TMEM135: variants seen among roughly 807,000 people sequenced by gnomAD.
TMEM135 encodes the protein peroxisomal membrane protein 52.
A neutral mutation model predicts 60.3 loss-of-function variants in TMEM135; 30 were observed. The observed-to-expected ratio is 0.50, with a 90% confidence interval of 0.37 to 0.68. TMEM135 has a LOEUF of 0.68. Among genes scored for constraint, TMEM135 ranks in the 30% least tolerant of loss-of-function variants. TMEM135 has a pLI of 0.00. For missense variants in TMEM135, 468 were observed against 548.8 expected (o/e 0.85, Z 1.47); for synonymous variants, 190 against 186.7 (o/e 1.02, Z -0.14).
intron 5 of TMEM135, among the ~76,000 whole-genome samples, chr11:87,216,000 A>G (rs2135348243): frequency 6.6e-6 from 1 of 152,314 alleles, no homozygotes; most frequent in South Asian, 2.1e-4. Context: ...AAAGAGAGAG[A>G]GACCATTCAT....
intron 5 of TMEM135, among the ~76,000 whole-genome samples, chr11:87,184,812 T>C (rs539337659): frequency 6.6e-6 from 1 of 152,322 alleles, no homozygotes; most frequent in South Asian, 2.1e-4. Context: ...AAGAATTTAA[T>C]GTACCCAAGA....
At chr11:87,271,713 T>G (rs910340302) in intron 6 of TMEM135, among the ~76,000 whole-genome samples, 1 of 152,124 alleles carries the variant, frequency 6.6e-6, no homozygotes, top group Non-Finnish European at 1.5e-5. Context: ...GTAGGCAGAT[T>G]GCTTGAGCCC....
At position 87,038,057 on chromosome 11, in the gene TMEM135, C is replaced by T. The variant is rs201981774; in HGVS notation, c.12C>T (p.Leu4=). 4.5e-5 allele frequency: 72 copies of T among 1,614,164 alleles called. No individual in the cohort carries two copies. In the African/African-American group the frequency reaches 5.1e-4, roughly 11 times the overall value. ...CGCTGTTCCTCGTCATGGCGGCCCTCAGCAAGTCCATCCCTCATAACTGCT... is the reference window on the plus strand; with the variant it reads ...CGCTGTTCCTCGTCATGGCGGCCCTTAGCAAGTCCATCCCTCATAACTGCT... MAA[L]SKSIPHNCYE... Residue 4 remains leucine (L), a synonymous_variant, in exon 1 of 15, where the codon CTC becomes CTT. Transcript: ENST00000305494.
At chr11:87,305,792 T>G (rs559506142) in intron 8 of TMEM135, 144 bp from the exon 9 acceptor site, 2 of 356,812 alleles carry the variant, frequency 5.6e-6, no homozygotes, top group African/African-American at 4.5e-5. Flanking sequence ...AATAAATAAA[T>G]AAATAAATAA....
intron 3 of TMEM135, among the ~76,000 whole-genome samples, chr11:87,084,581 G>A (rs1857057187): frequency 6.6e-6 from 1 of 152,164 alleles, no homozygotes; most frequent in African/African-American, 2.4e-5. Flanking sequence ...ACATGTATGA[G>A]GCACTGTGCC....
chr11:87,102,137 G>A (rs2135185179), intron 4 of TMEM135, among the ~76,000 whole-genome samples: 1 of 152,308 alleles, frequency 6.6e-6, no homozygotes, highest in East Asian at 1.9e-4. Flanking sequence ...TCTACCTGGA[G>A]ATAGCATCAG....
intron 6 of TMEM135, among the ~76,000 whole-genome samples, chr11:87,237,571 A>C (rs1308707820): frequency 1.3e-5 from 2 of 151,954 alleles, no homozygotes; most frequent in African/African-American, 4.8e-5. Flanking sequence ...TTTTTAAAAA[A>C]ATTTTTATTT....
intron 4 of TMEM135, among the ~76,000 whole-genome samples, chr11:87,114,735 T>C (rs942175450): frequency 1.3e-5 from 2 of 152,194 alleles, no homozygotes; most frequent in Admixed American, 6.5e-5. Context: ...TTGTGTGTGT[T>C]ACCAAACCAT....
At chr11:87,150,711 T>A (rs522439) in intron 4 of TMEM135, among the ~76,000 whole-genome samples, 55,850 of 151,918 alleles carry the variant, frequency 0.37, 10,801 homozygotes, top group East Asian at 0.67. Context: ...TTTCAATATT[T>A]TCAAGAACAC....
intron 3 of TMEM135, among the ~76,000 whole-genome samples, chr11:87,085,420 G>C (rs1456911714): frequency 6.6e-6 from 1 of 152,200 alleles, no homozygotes; most frequent in Non-Finnish European, 1.5e-5. Context: ...ATAGAAGCCT[G>C]TTAGGATGCC....
At position 87,292,439 on chromosome 11, in the gene TMEM135, G is replaced by A. The variant is rs545460359; in HGVS notation, c.510-3343G>A. Among the ~76,000 whole-genome samples, 6 of 152,212 alleles carry A rather than the reference G, an allele frequency of 3.9e-5. No homozygotes were observed. In the South Asian group the frequency reaches 1.2e-3, roughly 32 times the overall value. On this transcript the variant is annotated intron_variant, in intron 6 of 14. Coordinates refer to ENST00000305494, the MANE Select transcript of TMEM135 (RefSeq NM_022918.4). ...TAATATTTATCGAATAAGTTGGTGA[G>A]CCTTAATACTTAAATGGAGAATGTG... is the stretch of plus-strand genomic sequence containing the variant.
intron 1 of TMEM135, among the ~76,000 whole-genome samples, chr11:87,062,544 A>C: frequency 1.4e-5 from 2 of 147,194 alleles, no homozygotes; most frequent in South Asian, 2.2e-4. Flanking sequence ...GCTCACTGCA[A>C]CCTCCACCTC....
chr11:87,143,466 A>G (rs1938322673), intron 4 of TMEM135, among the ~76,000 whole-genome samples: 4 of 150,440 alleles, frequency 2.7e-5, no homozygotes, highest in Admixed American at 2.0e-4. Context: ...ATTTTATTCT[A>G]TATATTTCCA....
At chr11:87,309,300 TA>T (rs1942602468) in intron 9 of TMEM135, among the ~76,000 whole-genome samples, 1 of 152,202 alleles carries the variant, frequency 6.6e-6, no homozygotes, top group Non-Finnish European at 1.5e-5. Flanking sequence ...TCAAAGAAAG[TA>T]AACTCATTCC....
At chr11:87,289,204 G>T (rs1324215113) in intron 6 of TMEM135, among the ~76,000 whole-genome samples, 1 of 152,088 alleles carries the variant, frequency 6.6e-6, no homozygotes, top group Non-Finnish European at 1.5e-5. Context: ...ATTCATGGGA[G>T]TATACAGTGA....
At position 87,327,928 on chromosome 11, in the gene TMEM135, G is replaced by T. The variant is rs1486155609; in HGVS notation, c.*6595G>T. On this transcript the variant is annotated 3_prime_UTR_variant, in exon 15 of 15. Transcript: ENST00000305494. ...TTTTATTCTACCCAGGCCTCCAGTGGATTGGAGGTGCCTGCCCATATTGAG... is the reference window on the plus strand; with the variant it reads ...TTTTATTCTACCCAGGCCTCCAGTGTATTGGAGGTGCCTGCCCATATTGAG... The T allele has an allele frequency of 2.2e-6, 1 of 453,896 alleles. No homozygotes were observed. The highest frequency in any genetic ancestry group is 6.9e-5 in the East Asian group (1 of 14,396). 28.1% of individuals were successfully genotyped at this position (453,896 alleles called of 1,614,324 possible).
At chr11:87,293,580 A>T (rs1247570075) in intron 6 of TMEM135, among the ~76,000 whole-genome samples, 1 of 152,062 alleles carries the variant, frequency 6.6e-6, no homozygotes, top group Non-Finnish European at 1.5e-5. Flanking sequence ...CTCAATGTTC[A>T]ACTCCTACTT....
chr11:87,250,566 A>T (rs1040374079), intron 6 of TMEM135, among the ~76,000 whole-genome samples: 1 of 151,884 alleles, frequency 6.6e-6, no homozygotes. Context: ...TTTAATGTCT[A>T]TGTGTAGTTT....
intron 4 of TMEM135, among the ~76,000 whole-genome samples, chr11:87,114,606 C>T (rs1339101531): frequency 6.6e-6 from 1 of 152,104 alleles, no homozygotes; most frequent in African/African-American, 2.4e-5. Context: ...TTATATGAAT[C>T]CCATCACATT....
Sources: allele counts gnomAD v4.1 joint callset (sites outside exome capture counted in the v4.1 genomes callset), GRCh38; gene constraint gnomAD v4.1.1; transcripts MANE v1.5; gene names NCBI Gene and HGNC (gene_info 2026-07-23, HGNC 2026-07-21).